The following TMEM182 variants were observed in gnomAD, a reference collection of about 807,000 sequenced individuals.
TMEM182 encodes the protein transmembrane protein 182.
TMEM182 carries 20 observed loss-of-function variants against 26.8 expected under a neutral mutation model. The ratio of observed to expected loss-of-function variants is 0.75; its 90% confidence interval spans 0.53 to 1.09. The LOEUF (loss-of-function observed/expected upper bound fraction) is 1.09. Among genes scored for constraint, TMEM182 ranks in the 50% least tolerant of loss-of-function variants. TMEM182 has a pLI of 0.00. For synonymous variants in TMEM182, 109 were observed against 102.2 expected (o/e 1.07, Z -0.40); for missense variants, 277 against 275.5 (o/e 1.01, Z -0.04).
chr2:102,838,610 A>G (rs1222948169), intron 3 of TMEM182, among the ~76,000 whole-genome samples: 1 of 152,156 alleles, frequency 6.6e-6, no homozygotes, highest in Non-Finnish European at 1.5e-5. Context: ...GTCAGTAGTA[A>G]CAACCTGAAG....
At chr2:102,793,614 C>T (rs1681740068) in intron 3 of TMEM182, among the ~76,000 whole-genome samples, 1 of 152,208 alleles carries the variant, frequency 6.6e-6, no homozygotes, top group Non-Finnish European at 1.5e-5. Flanking sequence ...AACTTATGCA[C>T]ATCCTCCTGT....
intron 1 of TMEM182, among the ~76,000 whole-genome samples, chr2:102,739,220 G>C (rs1679476582): frequency 6.6e-6 from 1 of 152,174 alleles, no homozygotes; most frequent in African/African-American, 2.4e-5. Context: ...AGGTCAGCAG[G>C]AGTGTACCAG....
intron 3 of TMEM182, among the ~76,000 whole-genome samples, chr2:102,830,559 T>C (rs2104774863): frequency 6.6e-6 from 1 of 152,316 alleles, no homozygotes; most frequent in Admixed American, 6.5e-5. Context: ...TGTATTTATT[T>C]CTGTGGGTAC....
At chr2:102,820,182 A>T (rs1170168192), downstream of TMEM182, among the ~76,000 whole-genome samples, 1 of 152,182 alleles carries the variant, frequency 6.6e-6, no homozygotes, top group Non-Finnish European at 1.5e-5. Context: ...GTTGTGTGGA[A>T]TGTGATGAGC....
intron 1 of TMEM182, among the ~76,000 whole-genome samples, chr2:102,748,164 CACAA>C (rs971786561): frequency 6.6e-6 from 1 of 152,212 alleles, no homozygotes; most frequent in Non-Finnish European, 1.5e-5. Context: ...TCCGTGTAGG[CACAA>C]ACAACCAAAA....
intron 1 of TMEM182, among the ~76,000 whole-genome samples, chr2:102,745,995 TAAACTTTGGAGAAACTC>T (rs1311788661): frequency 8.5e-5 from 13 of 152,222 alleles, no homozygotes; most frequent in Admixed American, 7.2e-4. Context: ...CCTCTATGTT[TAAACTTTGGAGAAACTC>T]AAACTGTTTT....
intron 4 of TMEM182, among the ~76,000 whole-genome samples, chr2:102,802,572 CAG>C (rs1269045071): frequency 6.6e-6 from 1 of 152,194 alleles, no homozygotes; most frequent in Non-Finnish European, 1.5e-5. Context: ...CTTAGATACA[CAG>C]GGGTTGTCAC....
intron 3 of TMEM182, among the ~76,000 whole-genome samples, chr2:102,772,205 C>G (rs1016364419): frequency 6.6e-6 from 1 of 152,138 alleles, no homozygotes; most frequent in African/African-American, 2.4e-5. Context: ...AACTTTGGAC[C>G]TTTTCTTAGG....
intron 3 of TMEM182, among the ~76,000 whole-genome samples, chr2:102,794,262 C>T (rs187970094): frequency 1.1e-4 from 17 of 152,300 alleles, no homozygotes; most frequent in Admixed American, 9.1e-4. Context: ...GGTAAATACT[C>T]AGGTCACTCG....
At chr2:102,791,912 T>C (rs1681657943) in intron 3 of TMEM182, among the ~76,000 whole-genome samples, 1 of 151,966 alleles carries the variant, frequency 6.6e-6, no homozygotes, top group South Asian at 2.1e-4. Context: ...TTCTCTGAGA[T>C]ACAGTCAAGA....
intron 3 of TMEM182, among the ~76,000 whole-genome samples, chr2:102,837,699 G>A (rs900404129): frequency 1.3e-5 from 2 of 152,194 alleles, no homozygotes; most frequent in South Asian, 2.1e-4. Context: ...CATTGACCAC[G>A]TAGAGCAGAA....
At chr2:102,802,573 A>C (rs1682189378) in intron 4 of TMEM182, among the ~76,000 whole-genome samples, 2 of 152,216 alleles carry the variant, frequency 1.3e-5, no homozygotes, top group African/African-American at 4.8e-5. Flanking sequence ...TTAGATACAC[A>C]GGGGTTGTCA....
At chr2:102,826,850 A>G (rs1281540605) in intron 3 of TMEM182, among the ~76,000 whole-genome samples, 1 of 152,166 alleles carries the variant, frequency 6.6e-6, no homozygotes, top group East Asian at 1.9e-4. Context: ...CAGACCACCA[A>G]AGAAGATAAA....
rs1682752931 is a variant in TMEM182 at position 102,816,433 on chromosome 2, A to G, written c.*1465A>G. On this transcript the variant is annotated 3_prime_UTR_variant, in exon 5 of 5. Transcript: ENST00000412401. ...GTACATCTTGTGCTTTTCCATTAAGACTTGTTCCAGTGGGAAGGAGCTTTG... is the reference window on the plus strand; with the variant it reads ...GTACATCTTGTGCTTTTCCATTAAGGCTTGTTCCAGTGGGAAGGAGCTTTG... 1 of 984,916 alleles carries G rather than the reference A, an allele frequency of 1.0e-6. No individual in the cohort carries two copies. Among genetic ancestry groups the G allele is most frequent in the African/African-American group, 1.7e-5 (1 of 57,170 alleles). 61.0% of individuals were successfully genotyped at this position (984,916 alleles called of 1,614,324 possible).
At chr2:102,841,492 C>T (rs547571334) in intron 3 of TMEM182, among the ~76,000 whole-genome samples, 1 of 152,280 alleles carries the variant, frequency 6.6e-6, no homozygotes, top group Non-Finnish European at 1.5e-5. Context: ...CTTTGGCAAG[C>T]CGAGCCCCAG....
At chr2:102,740,539 AC>A (rs1679512945) in intron 1 of TMEM182, among the ~76,000 whole-genome samples, 1 of 152,152 alleles carries the variant, frequency 6.6e-6, no homozygotes, top group Admixed American at 6.5e-5. Context: ...TTTAAAAATT[AC>A]CCAGTCTTGG....
chr2:102,798,104 C>G lies in TMEM182; in HGVS notation c.469+104C>G, dbSNP rs570138948. 7 of 1,390,844 alleles carry G rather than the reference C, an allele frequency of 5.0e-6. No homozygotes were observed. In the African/African-American group the frequency reaches 1.0e-4, roughly 20 times the overall value. 86.2% of individuals were successfully genotyped at this position (1,390,844 alleles called of 1,614,324 possible). ...CGTCAGCCTTCTAGTAACAGTAACA[C>G]AATAATATTTGTATACAATACTTCT... On this transcript the variant is annotated intron_variant, in intron 4 of 4. Transcript: ENST00000412401.
chr2:102,793,076 C>T (rs189485726), intron 3 of TMEM182, among the ~76,000 whole-genome samples: 8 of 152,302 alleles, frequency 5.3e-5, no homozygotes, highest in Non-Finnish European at 2.9e-5. Flanking sequence ...TTCCCTGGCT[C>T]ATCTGATTCG....
intron 3 of TMEM182, among the ~76,000 whole-genome samples, chr2:102,829,953 T>C (rs1683119129): frequency 6.6e-6 from 1 of 152,192 alleles, no homozygotes; most frequent in Non-Finnish European, 1.5e-5. Flanking sequence ...CACAATAGGT[T>C]ACTGTTCATA....
Sources: allele counts gnomAD v4.1 joint callset (sites outside exome capture counted in the v4.1 genomes callset), GRCh38; gene constraint gnomAD v4.1.1; transcripts MANE v1.5; gene names NCBI Gene and HGNC (gene_info 2026-07-23, HGNC 2026-07-21).